Variants in OR56A3 observed in about 807,000 individuals in gnomAD.
OR56A3 encodes the protein olfactory receptor 56A3.
A neutral mutation model predicts 17.5 loss-of-function variants in OR56A3; 23 were observed. The ratio of observed to expected loss-of-function variants is 1.32; its 90% CI spans 0.95 to 1.87. OR56A3 has a LOEUF of 1.87. OR56A3 is among the 40% of genes most tolerant of loss of function. OR56A3 has a pLI of 0.00. For missense variants in OR56A3, 366 were observed against 380.1 expected, an observed-to-expected ratio of 0.96 and a Z score of 0.31; for synonymous variants, 175 against 150.6, an observed-to-expected ratio of 1.16 and a Z score of -1.19.
At chr11:6,013,660 G>A in the OR56A3 span, among the ~76,000 whole-genome samples, 13 of 152,168 alleles carry the variant, frequency 8.5e-5, no homozygotes, top group Non-Finnish European at 1.6e-4. Flanking sequence ...TGCACCATCA[G>A]AGAGCCTAAT....
the OR56A3 span, among the ~76,000 whole-genome samples, chr11:5,965,578 TAAG>T: frequency 3.9e-5 from 6 of 152,086 alleles, no homozygotes; most frequent in Non-Finnish European, 7.4e-5. Flanking sequence ...AAGAAAAAAA[TAAG>T]AAGATGTGCA....
chr11:5,984,538 G>A, the OR56A3 span, among the ~76,000 whole-genome samples: 1 of 152,176 alleles, frequency 6.6e-6, no homozygotes, highest in Non-Finnish European at 1.5e-5. Flanking sequence ...GGTTAAGAGA[G>A]TTTGTTACAA....
the OR56A3 span, among the ~76,000 whole-genome samples, chr11:5,961,275 G>A: frequency 1.3e-5 from 2 of 152,244 alleles, no homozygotes; most frequent in Admixed American, 6.5e-5. Context: ...ATTGAGAACG[G>A]GCCATGATGA....
At chr11:5,957,229 T>C in the OR56A3 span, among the ~76,000 whole-genome samples, 1 of 152,344 alleles carries the variant, frequency 6.6e-6, no homozygotes, top group East Asian at 1.9e-4. Context: ...TAAAACTTTA[T>C]GCACTGGAGT....
chr11:5,994,513 T>C, the OR56A3 span: 2 of 876,638 alleles, frequency 2.3e-6, no homozygotes, highest in Admixed American at 3.4e-5. Context: ...TTACTTCCTT[T>C]TCATGGTTCT....
the OR56A3 span, chr11:5,968,144 T>C: frequency 3.3e-4 from 536 of 1,614,222 alleles, 1 homozygote; most frequent in Non-Finnish European, 4.2e-4. Flanking sequence ...TGATCATGAA[T>C]GTGCAGGACT....
In OR56A3 at chr11:5,948,640, T is replaced by C. The variant is rs1362512090; in HGVS notation, c.*346T>C. The C allele has an allele frequency of 9.0e-6, 2 of 222,708 alleles. No homozygotes were observed. The highest frequency in any genetic ancestry group is 1.8e-5 in the Non-Finnish European group (2 of 112,122). 13.8% of individuals were successfully genotyped at this position (222,708 alleles called of 1,614,324 possible). A position where few individuals can be genotyped will look rare whatever the true frequency, so the allele number is the denominator to read the frequency against. On this transcript the variant is annotated 3_prime_UTR_variant, in exon 3 of 3. Transcript: ENST00000641160. ...ATCATTAAAAATACAACTGCGGTTA[T>C]TTTGTTGTGTCTGTTATGTGTAATG... is the stretch of plus-strand genomic sequence containing the variant.
the OR56A3 span, chr11:5,985,993 T>C: frequency 6.2e-7 from 1 of 1,612,592 alleles, no homozygotes. Flanking sequence ...CTGCTGAGTC[T>C]TCACTCCATA....
At chr11:5,979,651 AC>A in the OR56A3 span, among the ~76,000 whole-genome samples, 5 of 152,086 alleles carry the variant, frequency 3.3e-5, no homozygotes, top group South Asian at 2.1e-4. Flanking sequence ...TCAAAGAAAA[AC>A]GTTTTGGTTT....
At chr11:5,956,142 T>C (rs896138501), downstream of OR56A3, among the ~76,000 whole-genome samples, 1 of 152,260 alleles carries the variant, frequency 6.6e-6, no homozygotes, top group Non-Finnish European at 1.5e-5. Context: ...TTCTTATGCA[T>C]GATGTTATCA....
the OR56A3 span, among the ~76,000 whole-genome samples, chr11:5,977,255 G>T: frequency 6.6e-5 from 10 of 152,086 alleles, no homozygotes; most frequent in African/African-American, 2.4e-4. Context: ...GAGTCAAATT[G>T]TAGTTCTGTA....
chr11:5,968,278 C>T, the OR56A3 span: 4 of 1,612,830 alleles, frequency 2.5e-6, no homozygotes, highest in Non-Finnish European at 3.4e-6. Context: ...AGTACGATGT[C>T]CAGCAGGGAG....
the OR56A3 span, chr11:5,967,967 G>T: frequency 6.3e-7 from 1 of 1,592,364 alleles, no homozygotes; most frequent in East Asian, 2.3e-5. Flanking sequence ...AGTTCTTGAT[G>T]ATGTGTCCTG....
In OR56A3 at chr11:5,949,822, C is replaced by T; in HGVS notation, c.*1528C>T. 6.6e-6 allele frequency: 1 copy of T among 152,028 alleles called. No individual in the cohort carries two copies. Among genetic ancestry groups the T allele is most frequent in the East Asian group, 1.9e-4 (1 of 5,196 alleles). The allele number at this position is 152,028 out of a possible 1,614,324, so 9.4% of individuals were successfully genotyped here. A position where few individuals can be genotyped will look rare whatever the true frequency, so the allele number is the denominator to read the frequency against. On this transcript the variant is annotated 3_prime_UTR_variant, in exon 3 of 3. Transcript: ENST00000641160. ...TTCCTGGATATCCTGGAATTGAAAC[C>T]TACTGATTGAAAAATAAGCATGTAC...
downstream of OR56A3, among the ~76,000 whole-genome samples, chr11:5,955,529 G>A (rs532666835): frequency 2.0e-5 from 3 of 152,224 alleles, no homozygotes; most frequent in Admixed American, 1.3e-4. Flanking sequence ...AGGAATGAAA[G>A]GAAGTAAAGT....
chr11:6,013,929 C>T, the OR56A3 span, among the ~76,000 whole-genome samples: 1 of 152,180 alleles, frequency 6.6e-6, no homozygotes, highest in East Asian at 1.9e-4. Flanking sequence ...ATCACTGCTA[C>T]CACTGCCAAC....
At chr11:5,978,049 T>C in the OR56A3 span, among the ~76,000 whole-genome samples, 5 of 152,204 alleles carry the variant, frequency 3.3e-5, no homozygotes, top group African/African-American at 1.2e-4. Flanking sequence ...TTTTGTAATC[T>C]TTTCCATTGG....
chr11:5,991,452 T>C, the OR56A3 span, among the ~76,000 whole-genome samples: 17 of 152,264 alleles, frequency 1.1e-4, no homozygotes, highest in East Asian at 2.1e-3. Flanking sequence ...TCACATTTCA[T>C]AGAAGAGCCT....
chr11:5,948,346 T>G lies in OR56A3; in HGVS notation c.*52T>G. On this transcript the variant is annotated 3_prime_UTR_variant, in exon 3 of 3. Transcript: ENST00000641160. ...TAAAATAAGATAATTTATTAATCACTTAATGAGTGAGTGGGCTGAAATTCA... is the reference window on the plus strand; with the variant it reads ...TAAAATAAGATAATTTATTAATCACGTAATGAGTGAGTGGGCTGAAATTCA... 1 of 1,268,884 alleles carries G rather than the reference T, an allele frequency of 7.9e-7. No individual in the cohort carries two copies. The highest frequency in any genetic ancestry group is 2.4e-5 in the East Asian group (1 of 42,106). The allele number at this position is 1,268,884 out of a possible 1,614,324, so 78.6% of individuals were successfully genotyped here.
Sources: gnomAD v4.1 joint callset for allele counts (sites outside exome capture counted in the v4.1 genomes callset) on GRCh38, gnomAD v4.1.1 for gene constraint, MANE v1.5 for transcripts, NCBI Gene and HGNC (gene_info 2026-07-23, HGNC 2026-07-21) for gene names.